CADM2: variants seen among roughly 807,000 people sequenced by gnomAD.
CADM2 encodes cell adhesion molecule 2.
CADM2 carries 12 observed loss-of-function variants against 49.8 expected under a neutral mutation model. That is an observed-to-expected ratio of 0.24 (90% confidence interval 0.15 to 0.39). The LOEUF (loss-of-function observed/expected upper bound fraction) is 0.39. Among genes scored for constraint, CADM2 ranks in the 10% least tolerant of loss-of-function variants. CADM2 has a pLI of 1.00. For missense variants in CADM2, 378 were observed against 492.3 expected (o/e 0.77, Z 2.20); for synonymous variants, 214 against 175.4 (o/e 1.22, Z -1.74).
chr3:85,553,205 A>G (rs1027708029), intron 1 of CADM2, among the ~76,000 whole-genome samples: 1 of 152,160 alleles, frequency 6.6e-6, no homozygotes, highest in Non-Finnish European at 1.5e-5. Context: ...GGAATTGGAA[A>G]TGGGACCAAG....
At chr3:85,923,680 C>T (rs1432178493) in intron 6 of CADM2, among the ~76,000 whole-genome samples, 1 of 152,046 alleles carries the variant, frequency 6.6e-6, no homozygotes, top group East Asian at 1.9e-4. Context: ...GATTAGGTAA[C>T]AGTGATGATT....
intron 1 of CADM2, among the ~76,000 whole-genome samples, chr3:85,133,309 G>A (rs2039295169): frequency 6.6e-6 from 1 of 152,190 alleles, no homozygotes; most frequent in African/African-American, 2.4e-5. Context: ...CTCACATCCT[G>A]CTGATTGGTA....
chr3:85,151,873 A>G (rs2039932610), intron 1 of CADM2, among the ~76,000 whole-genome samples: 1 of 152,200 alleles, frequency 6.6e-6, no homozygotes, highest in South Asian at 2.1e-4. Context: ...TCATTATAGA[A>G]CTTAAAATTT....
intron 7 of CADM2, among the ~76,000 whole-genome samples, chr3:85,957,005 C>T (rs1724147435): frequency 6.6e-6 from 1 of 151,584 alleles, no homozygotes; most frequent in African/African-American, 2.4e-5. Flanking sequence ...ATTCTCTAAA[C>T]CCCAAAGTAT....
chr3:85,705,639 C>T (rs574251448), intron 1 of CADM2, among the ~76,000 whole-genome samples: 2 of 152,070 alleles, frequency 1.3e-5, no homozygotes, highest in East Asian at 1.9e-4. Context: ...GTTCTGTGGG[C>T]CTTCATTATG....
Position 86,067,629 on chromosome 3 carries a change from G to C in CADM2, c.*846G>C, listed in dbSNP as rs949602939. On this transcript the variant is annotated 3_prime_UTR_variant, in exon 10 of 10. Coordinates refer to ENST00000383699, the MANE Select transcript of CADM2 (RefSeq NM_001167675.2). ...TAAACAATATTGAAGTATCCATAGG[G>C]CACAATTTTCAGACATTTTAGTATC... The C allele has an allele frequency of 6.6e-6, 1 of 152,286 alleles. No homozygotes were observed. Among genetic ancestry groups the C allele is most frequent in the African/African-American group, 2.4e-5 (1 of 41,362 alleles). The allele number at this position is 152,286 out of a possible 1,614,324, so 9.4% of individuals were successfully genotyped here.
intron 1 of CADM2, among the ~76,000 whole-genome samples, chr3:85,658,002 T>C (rs533158594): frequency 6.6e-6 from 1 of 152,160 alleles, no homozygotes; most frequent in Admixed American, 6.6e-5. Context: ...TGGATTCACT[T>C]TATTAGGCAA....
At chr3:85,046,405 A>C (rs1174787099) in intron 1 of CADM2, among the ~76,000 whole-genome samples, 2 of 150,982 alleles carry the variant, frequency 1.3e-5, no homozygotes, top group Non-Finnish European at 2.9e-5. Flanking sequence ...CACAACCAAC[A>C]GCAAAATCCC....
At chr3:85,272,476 T>G (rs554723569) in intron 1 of CADM2, among the ~76,000 whole-genome samples, 13 of 151,438 alleles carry the variant, frequency 8.6e-5, no homozygotes, top group African/African-American at 3.1e-4. Flanking sequence ...GTTTATACAG[T>G]TCTATTCAAA....
intron 1 of CADM2, among the ~76,000 whole-genome samples, chr3:85,594,786 G>A (rs1387788955): frequency 1.3e-5 from 2 of 152,016 alleles, no homozygotes; most frequent in African/African-American, 2.4e-5. Context: ...ATGACAAAGA[G>A]CCTAGCCTCT....
At chr3:85,977,915 G>A (rs138313596) in intron 8 of CADM2, among the ~76,000 whole-genome samples, 4 of 151,662 alleles carry the variant, frequency 2.6e-5, no homozygotes, top group Admixed American at 1.3e-4. Context: ...AATTCAGCGG[G>A]TAGAGTCTAC....
intron 1 of CADM2, among the ~76,000 whole-genome samples, chr3:85,308,916 GA>G (rs1251583818): frequency 6.6e-6 from 1 of 151,950 alleles, no homozygotes; most frequent in Non-Finnish European, 1.5e-5. Context: ...AATAGGGTAG[GA>G]AAAAATTATT....
At chr3:85,390,081 C>T (rs2034446246) in intron 1 of CADM2, among the ~76,000 whole-genome samples, 1 of 151,848 alleles carries the variant, frequency 6.6e-6, no homozygotes, top group African/African-American at 2.4e-5. Context: ...ATGAAAAACA[C>T]AATAAAAAAC....
At chr3:85,189,597 C>G (rs776064916) in intron 1 of CADM2, among the ~76,000 whole-genome samples, 28 of 152,144 alleles carry the variant, frequency 1.8e-4, no homozygotes, top group Non-Finnish European at 3.7e-4. Flanking sequence ...AGTATTTTAA[C>G]AGAAAATGTA....
intron 1 of CADM2, among the ~76,000 whole-genome samples, chr3:85,716,817 G>A (rs1396950768): frequency 6.6e-6 from 1 of 152,014 alleles, no homozygotes; most frequent in East Asian, 1.9e-4. Context: ...GATGCATGGT[G>A]CAATTTCTGA....
rs191886758 is a variant in CADM2, at chr3:85,743,738, G to A, written c.88+17190G>A. Among the ~76,000 whole-genome samples the A allele has an allele frequency of 1.0e-3, 157 of 152,236 alleles. 1 individual carries two copies. Among genetic ancestry groups the A allele is most frequent in the Admixed American group, 1.7e-3 (26 of 15,286 alleles). ...AATAGCGCAAAGAGGCAGCTTTCAAGTGAAAACAATTTAAACTCAAAGGTT... is the reference window on the plus strand; with the variant it reads ...AATAGCGCAAAGAGGCAGCTTTCAAATGAAAACAATTTAAACTCAAAGGTT... On this transcript the variant is annotated intron_variant, in intron 2 of 9. Transcript: ENST00000383699.
chr3:85,181,190 G>A (rs2040925442), intron 1 of CADM2, among the ~76,000 whole-genome samples: 1 of 151,996 alleles, frequency 6.6e-6, no homozygotes, highest in Non-Finnish European at 1.5e-5. Context: ...AATAAGCATG[G>A]CATATGCACA....
intron 1 of CADM2, among the ~76,000 whole-genome samples, chr3:85,428,616 A>G (rs1299060900): frequency 2.0e-5 from 3 of 146,524 alleles, no homozygotes; most frequent in Non-Finnish European, 3.0e-5. Context: ...TAAAATATAT[A>G]AAATATTTAC....
intron 8 of CADM2, among the ~76,000 whole-genome samples, chr3:85,983,590 C>T (rs1008625652): frequency 2.0e-5 from 3 of 151,612 alleles, no homozygotes; most frequent in African/African-American, 7.3e-5. Flanking sequence ...GTAAAACAAA[C>T]ATGTTTACCA....
Sources: gnomAD v4.1 joint callset for allele counts (sites outside exome capture counted in the v4.1 genomes callset) on GRCh38, gnomAD v4.1.1 for gene constraint, MANE v1.5 for transcripts, NCBI Gene and HGNC (gene_info 2026-07-23, HGNC 2026-07-21) for gene names.